Variants in INPP4B observed in about 807,000 individuals in gnomAD.
The protein encoded by INPP4B is inositol polyphosphate 4-phosphatase type II.
A neutral mutation model predicts 122.5 loss-of-function variants in INPP4B; 55 were observed. That is an observed-to-expected ratio of 0.45 (90% confidence interval 0.36 to 0.56). INPP4B has a LOEUF of 0.56. INPP4B is among the 20% of genes least tolerant of loss of function. The pLI is 0.00. For missense variants in INPP4B, 1,000 were observed against 1,097.7 expected (o/e 0.91, Z 1.26); for synonymous variants, 403 against 388.7 (o/e 1.04, Z -0.43).
At chr4:142,223,767 A>C (rs1850361590) in intron 12 of INPP4B, among the ~76,000 whole-genome samples, 1 of 152,180 alleles carries the variant, frequency 6.6e-6, no homozygotes, top group Non-Finnish European at 1.5e-5. Flanking sequence ...TTGCATAAAG[A>C]AGAATGAACA....
At chr4:142,152,863 T>C (rs138642381) in intron 17 of INPP4B, among the ~76,000 whole-genome samples, 3 of 152,352 alleles carry the variant, frequency 2.0e-5, no homozygotes, top group Middle Eastern at 3.4e-3. Flanking sequence ...AATGAGATGA[T>C]ATGACTGTTA....
intron 2 of INPP4B, among the ~76,000 whole-genome samples, chr4:142,586,289 G>C (rs995694412): frequency 2.0e-5 from 3 of 149,500 alleles, no homozygotes; most frequent in African/African-American, 7.3e-5. Flanking sequence ...ACTCCAGCCT[G>C]GTCGACAGAG....
intron 25 of INPP4B, among the ~76,000 whole-genome samples, chr4:142,066,194 T>C (rs1763411520): frequency 7.9e-6 from 1 of 126,852 alleles, no homozygotes; most frequent in Non-Finnish European, 1.7e-5. Flanking sequence ...CCTTCAAGAC[T>C]AAATCCTTGT....
intron 7 of INPP4B, among the ~76,000 whole-genome samples, chr4:142,375,406 T>C (rs1391599681): frequency 6.6e-6 from 1 of 151,808 alleles, no homozygotes; most frequent in East Asian, 1.9e-4. Context: ...ATTTCTCGAG[T>C]CATTTTCAAA....
intron 7 of INPP4B, among the ~76,000 whole-genome samples, chr4:142,387,926 T>C (rs952279869): frequency 1.3e-5 from 2 of 152,164 alleles, no homozygotes; most frequent in African/African-American, 4.8e-5. Context: ...GTGGCAGTAC[T>C]TTCTCTTGGT....
chr4:142,812,700 G>A (rs753272001), intron 1 of INPP4B, among the ~76,000 whole-genome samples: 9 of 151,788 alleles, frequency 5.9e-5, no homozygotes, highest in Non-Finnish European at 1.2e-4. Flanking sequence ...TTATAACAAG[G>A]TAAAAAAAAG....
At chr4:142,169,675 T>C (rs900664021) in intron 16 of INPP4B, among the ~76,000 whole-genome samples, 2 of 151,704 alleles carry the variant, frequency 1.3e-5, no homozygotes, top group Non-Finnish European at 3.0e-5. Context: ...ATTTCTCAAA[T>C]ACGCTGTGAG....
At chr4:142,509,181 C>T (rs544055914) in intron 2 of INPP4B, among the ~76,000 whole-genome samples, 2 of 152,274 alleles carry the variant, frequency 1.3e-5, no homozygotes, top group African/African-American at 4.8e-5. Context: ...TTGCTGACAC[C>T]GTGCGGGTTC....
At chr4:142,559,261 C>T (rs1403383135) in intron 2 of INPP4B, among the ~76,000 whole-genome samples, 1 of 152,116 alleles carries the variant, frequency 6.6e-6, no homozygotes, top group Non-Finnish European at 1.5e-5. Context: ...TCATCAAAAG[C>T]TGAGAGAACC....
chr4:142,102,192 GA>G (rs753053291), intron 23 of INPP4B, among the ~76,000 whole-genome samples: 20 of 151,840 alleles, frequency 1.3e-4, no homozygotes, highest in Non-Finnish European at 2.5e-4. Context: ...AAGATAAATT[GA>G]AATACTAAAA....
chr4:142,639,571 T>C (rs941575661), intron 2 of INPP4B, among the ~76,000 whole-genome samples: 13 of 152,140 alleles, frequency 8.5e-5, no homozygotes, highest in African/African-American at 3.1e-4. Context: ...ATATTGACTC[T>C]GCCACTTTGA....
At chr4:142,156,378 T>A (rs757671780) in intron 17 of INPP4B, among the ~76,000 whole-genome samples, 6 of 152,128 alleles carry the variant, frequency 3.9e-5, no homozygotes, top group Non-Finnish European at 7.4e-5. Context: ...TTAAATGACA[T>A]GCTTTCACAT....
At chr4:142,166,659 T>C (rs1822885088) in intron 16 of INPP4B, among the ~76,000 whole-genome samples, 2 of 150,794 alleles carry the variant, frequency 1.3e-5, no homozygotes, top group African/African-American at 4.9e-5. Context: ...AGGTCTAATA[T>C]CCAGAATCTA....
intron 1 of INPP4B, among the ~76,000 whole-genome samples, chr4:142,825,081 A>G (rs1490177225): frequency 6.6e-6 from 1 of 152,134 alleles, no homozygotes; most frequent in Non-Finnish European, 1.5e-5. Context: ...TACATGTCAG[A>G]CTTTTTTAGT....
intron 1 of INPP4B, among the ~76,000 whole-genome samples, chr4:142,842,765 C>T (rs1415878677): frequency 8.1e-6 from 1 of 123,112 alleles, no homozygotes; most frequent in Non-Finnish European, 1.6e-5. Flanking sequence ...CTATAATAAT[C>T]CTAACATAAT....
chr4:142,121,433 A>G (rs1796509974), intron 21 of INPP4B, among the ~76,000 whole-genome samples: 1 of 152,116 alleles, frequency 6.6e-6, no homozygotes, highest in African/African-American at 2.4e-5. Flanking sequence ...TGACCCCAGA[A>G]TGTTTCAAAT....
chr4:142,788,770 C>T (rs1176566373), intron 1 of INPP4B, among the ~76,000 whole-genome samples: 3 of 152,130 alleles, frequency 2.0e-5, no homozygotes, highest in Non-Finnish European at 4.4e-5. Context: ...TCTCCAATCT[C>T]ATCCAGGTTG....
At chr4:142,301,014 G>A (rs1315990161) in intron 9 of INPP4B, among the ~76,000 whole-genome samples, 1 of 152,144 alleles carries the variant, frequency 6.6e-6, no homozygotes, top group Non-Finnish European at 1.5e-5. Context: ...GTTAAGATGA[G>A]CTGAAAGTTT....
intron 3 of INPP4B, among the ~76,000 whole-genome samples, chr4:142,437,018 C>G (rs894719111): frequency 6.6e-6 from 1 of 151,952 alleles, no homozygotes; most frequent in East Asian, 1.9e-4. Flanking sequence ...GAACCATGAT[C>G]AAATGTTACA....
Sources: allele counts gnomAD v4.1 joint callset (sites outside exome capture counted in the v4.1 genomes callset), GRCh38; gene constraint gnomAD v4.1.1; transcripts MANE v1.5; gene names NCBI Gene and HGNC (gene_info 2026-07-23, HGNC 2026-07-21).